Variants in RFX6 observed in about 807,000 individuals in gnomAD.
RFX6 encodes the protein DNA-binding protein RFX6.
In RFX6, 50 loss-of-function variants were observed where a neutral mutation model predicts 110.8. The observed-to-expected ratio is 0.45, with a 90% CI of 0.36 to 0.57. The LOEUF (loss-of-function observed/expected upper bound fraction) is 0.57. Ranked by LOEUF, RFX6 falls within the 20% of genes least tolerant of loss-of-function variation. RFX6 has a pLI of 0.00. For missense variants in RFX6, 990 were observed against 1,127.0 expected (o/e 0.88, Z 1.74); for synonymous variants, 383 against 411.2 (o/e 0.93, Z 0.83).
chr6:116,877,790 A>C lies in RFX6; in HGVS notation c.224-6A>C, dbSNP rs1483428314. ...TTTCTTTATCATCCCTTCAACTGGC[A>C]ATCAGAAATGCACTTAAACAATGGT... On this transcript the variant is annotated splice_region_variant and splice_polypyrimidine_tract_variant and intron_variant, in intron 1 of 18. Coordinates refer to ENST00000332958, the MANE Select transcript of RFX6 (RefSeq NM_173560.4). 1.2e-6 allele frequency: 2 copies of C among 1,613,714 alleles called. No homozygotes were observed. The highest frequency in any genetic ancestry group is 1.7e-6 in the Non-Finnish European group (2 of 1,179,890).
chr6:116,890,142 T>C (rs1421789350), intron 4 of RFX6, among the ~76,000 whole-genome samples: 2 of 152,130 alleles, frequency 1.3e-5, no homozygotes, highest in African/African-American at 2.4e-5. Context: ...ATCTTTTGCA[T>C]CTTGAGTGTG....
rs368582780 is a variant in RFX6, at chr6:116,877,362, T to C, written c.87T>C (p.Cys29=). 2 of 1,612,056 alleles carry C rather than the reference T, an allele frequency of 1.2e-6. No individual in the cohort carries two copies. The highest frequency in any genetic ancestry group is 1.3e-5 in the African/African-American group (1 of 74,860). ...CCCCGGGGATCCAGGAAGACTGCTG[T>C]GTGCAGCTCCTGGGCAAGGGCTTGC... ...QLSPGIQEDC[C]VQLLGKGLLV... The change falls in exon 1 of 19, where the codon TGT becomes TGC. Residue 29 remains cysteine (C), a synonymous_variant. Transcript: ENST00000332958.
intron 7 of RFX6, among the ~76,000 whole-genome samples, chr6:116,915,801 T>C (rs1775449368): frequency 1.3e-5 from 2 of 152,138 alleles, no homozygotes; most frequent in African/African-American, 2.4e-5. Flanking sequence ...CATATTATAC[T>C]GTAGTTGTCC....
At chr6:116,923,504 T>G (rs973248623) in intron 14 of RFX6, 2 of 431,084 alleles carry the variant, frequency 4.6e-6, no homozygotes, top group African/African-American at 2.0e-5. Flanking sequence ...TTTGGTGAGA[T>G]GATGTATATA....
chr6:116,879,873 T>G (rs912410583), intron 2 of RFX6, among the ~76,000 whole-genome samples: 2 of 152,016 alleles, frequency 1.3e-5, no homozygotes, highest in Admixed American at 1.3e-4. Context: ...ATATAGTTAT[T>G]TTTATAATAT....
In RFX6 at chr6:116,930,707, C is replaced by T. The variant is rs59261639; in HGVS notation, c.2612-624C>T. On this transcript the variant is annotated intron_variant, in intron 18 of 18. Transcript: ENST00000332958. ...GCAGAAGAAACAGTGAATGCAGAAC[C>T]GCTGAAATCAGAATAAATTTGAAAA... 2.3e-3 allele frequency among the ~76,000 whole-genome samples: 346 copies of T among 152,090 alleles called. 10 individuals carry two copies. The East Asian group carries it at 0.059, about 26-fold the overall frequency.
intron 14 of RFX6, 121 bp from the exon 15 acceptor site, chr6:116,924,548 T>C: frequency 1.1e-6 from 1 of 888,960 alleles, no homozygotes. Flanking sequence ...TTTCAGTTGC[T>C]CCTTGTAAAG....
chr6:116,905,585 ACT>A (rs1206139235), intron 6 of RFX6, among the ~76,000 whole-genome samples: 1 of 146,948 alleles, frequency 6.8e-6, no homozygotes, highest in Non-Finnish European at 1.5e-5. Context: ...ATGGAGTCTC[ACT>A]CTGTCACCAG....
At chr6:116,921,972 T>C (rs1775607781) in intron 12 of RFX6, 70 bp from the exon 13 acceptor site, 4 of 748,836 alleles carry the variant, frequency 5.3e-6, no homozygotes, top group South Asian at 4.6e-5. Context: ...TTTTAGGTTT[T>C]CTCTTGGATT....
At chr6:116,900,443 C>T (rs568351187) in intron 6 of RFX6, among the ~76,000 whole-genome samples, 52 of 152,018 alleles carry the variant, frequency 3.4e-4, no homozygotes, top group African/African-American at 1.1e-3. Flanking sequence ...TTAGTAGAGT[C>T]GGGGTTTTGT....
chr6:116,880,083 C>G (rs1296579170), intron 2 of RFX6, among the ~76,000 whole-genome samples: 3 of 151,932 alleles, frequency 2.0e-5, no homozygotes, highest in African/African-American at 7.2e-5. Flanking sequence ...CATCATTGTC[C>G]TTCCCTAATT....
intron 6 of RFX6, among the ~76,000 whole-genome samples, chr6:116,905,618 T>G (rs1374781392): frequency 6.6e-6 from 1 of 151,578 alleles, no homozygotes. Flanking sequence ...AGTGGTGCAG[T>G]CTCGGCTCAC....
chr6:116,904,122 T>C (rs537004660), intron 6 of RFX6, among the ~76,000 whole-genome samples: 1 of 152,228 alleles, frequency 6.6e-6, no homozygotes, highest in African/African-American at 2.4e-5. Flanking sequence ...TGTTTTTTAT[T>C]TGGAAATTGT....
rs78376636 is a variant in RFX6, at chr6:116,919,856, A to G, written c.1183-454A>G. 5.1e-3 allele frequency among the ~76,000 whole-genome samples: 776 copies of G among 152,330 alleles called. 9 individuals are homozygous for G. Among genetic ancestry groups the G allele is most frequent in the African/African-American group, 0.017 (702 of 41,590 alleles). ...GTTAAAATATATTTCTCTTTCCCCA[A>G]AATGATTATCTGCTTTATGAAGGTT... On this transcript the variant is annotated intron_variant, in intron 11 of 18. Coordinates refer to ENST00000332958, the MANE Select transcript of RFX6 (RefSeq NM_173560.4).
At chr6:116,915,940 G>A in intron 7 of RFX6, 68 bp from the exon 8 acceptor site, 1 of 1,094,058 alleles carries the variant, frequency 9.1e-7, no homozygotes, top group Admixed American at 1.7e-5. Context: ...AATCTGTGTT[G>A]AACAAATTAA....
Position 116,921,301 on chromosome 6 carries a change from C to T in RFX6, c.1328-741C>T, listed in dbSNP as rs558939354. On this transcript the variant is annotated intron_variant, in intron 12 of 18. Coordinates refer to ENST00000332958, the MANE Select transcript of RFX6 (RefSeq NM_173560.4). Reference sequence around the variant, plus strand: ...CCCTTTTAAATATTACATGATAAAACGTTATTCAGGTAAATGGCTCAATTC... The same window carrying T: ...CCCTTTTAAATATTACATGATAAAATGTTATTCAGGTAAATGGCTCAATTC... Among the ~76,000 whole-genome samples the T allele has an allele frequency of 2.6e-4, 40 of 152,180 alleles. 1 individual carries two copies. The South Asian group carries it at 7.9e-3, about 30-fold the overall frequency.
At chr6:116,902,908 A>G (rs1274731265) in intron 6 of RFX6, among the ~76,000 whole-genome samples, 1 of 151,756 alleles carries the variant, frequency 6.6e-6, no homozygotes, top group Non-Finnish European at 1.5e-5. Flanking sequence ...CATAAATCAG[A>G]CCCTCTTGCC....
chr6:116,883,528 A>G (rs1774637098), intron 4 of RFX6, among the ~76,000 whole-genome samples: 1 of 152,190 alleles, frequency 6.6e-6, no homozygotes, highest in Admixed American at 6.5e-5. Flanking sequence ...GTTTTATGTA[A>G]TCCAATTTAT....
At chr6:116,893,069 C>T (rs1774865066) in intron 4 of RFX6, among the ~76,000 whole-genome samples, 1 of 151,958 alleles carries the variant, frequency 6.6e-6, no homozygotes, top group African/African-American at 2.4e-5. Flanking sequence ...CTGGAAATCC[C>T]CTCATTCTCT....
Sources: gnomAD v4.1 joint callset for allele counts (sites outside exome capture counted in the v4.1 genomes callset) on GRCh38, gnomAD v4.1.1 for gene constraint, MANE v1.5 for transcripts, NCBI Gene and HGNC (gene_info 2026-07-23, HGNC 2026-07-21) for gene names.